Variants in DNAH1 observed in about 807,000 individuals in gnomAD.
The protein encoded by DNAH1 is dynein axonemal heavy chain 1, also known as axonemal beta dynein heavy chain 1.
DNAH1 carries 327 observed loss-of-function variants against 484.3 expected under a neutral mutation model. The ratio of observed to expected loss-of-function variants is 0.68; its 90% CI spans 0.62 to 0.74. The LOEUF (loss-of-function observed/expected upper bound fraction) is 0.74, where lower values mean the gene tolerates loss of function less well. Among genes scored for constraint, DNAH1 ranks in the 30% least tolerant of loss-of-function variants. DNAH1 has a pLI of 0.00. For missense variants in DNAH1, 5,052 were observed against 5,546.8 expected, an observed-to-expected ratio of 0.91 and a Z score of 2.83; for synonymous variants, 2,192 against 2,191.9, an observed-to-expected ratio of 1.00 and a Z score of 0.00.
At chr3:52,367,993 G>A (rs1397761191) in intron 36 of DNAH1, among the ~76,000 whole-genome samples, 1 of 152,340 alleles carries the variant, frequency 6.6e-6, no homozygotes, top group African/African-American at 2.4e-5. Context: ...ATACAGCATG[G>A]GCCAGTGGGA....
At position 52,322,471 on chromosome 3, in the gene DNAH1, G is replaced by T. The variant is rs1701182797; in HGVS notation, c.29G>T (p.Ser10Ile). ...GAGCAGCCTAACAGTAAAGGCTATA[G>T]CCTGGGAAGGACCCCTCAGGGCCCA... is the stretch of plus-strand genomic sequence containing the variant. Reference protein sequence around the residue: MEQPNSKGYSLGRTPQGPEC... With the variant: MEQPNSKGYILGRTPQGPEC... Residue 10 changes from serine to isoleucine, a missense_variant, in exon 2 of 78, where the codon AGC (serine) becomes ATC (isoleucine). This residue lies in a region of DNAH1 where 1,263 missense variants were observed against 1,218.8 expected (regional missense o/e 1.04). Transcript: ENST00000420323. The T allele has an allele frequency of 1.9e-6, 3 of 1,612,814 alleles. No homozygotes were observed. The highest frequency in any genetic ancestry group is 1.3e-5 in the African/African-American group (1 of 74,934).
In DNAH1 at chr3:52,362,052, G is replaced by T. The variant is rs1425332333; in HGVS notation, c.4980+286G>T. Among the ~76,000 whole-genome samples, 3 of 152,214 alleles carry T rather than the reference G, an allele frequency of 2.0e-5. No individual in the cohort carries two copies. The highest frequency in any genetic ancestry group is 7.2e-5 in the African/African-American group (3 of 41,456). On this transcript the variant is annotated intron_variant, in intron 30 of 77. Coordinates refer to ENST00000420323, the MANE Select transcript of DNAH1 (RefSeq NM_015512.5). The surrounding 1 kb of genome is among the most constrained non-coding windows in gnomAD (Gnocchi z 5.1). ...GCCAGGGACCTTGTTCTGGGGACAG[G>T]AGCTGAGAGGCTAGCAGTTATCCCC...
At position 52,386,787 on chromosome 3, in the gene DNAH1, G is replaced by C; in HGVS notation, c.8937G>C (p.Trp2979Cys). 6.3e-7 allele frequency: 1 copy of C among 1,592,010 alleles called. No homozygotes were observed. The highest frequency in any genetic ancestry group is 1.8e-5 in the Admixed American group (1 of 56,826). The change falls in exon 56 of 78, where the codon TGG becomes TGC. Residue 2979 changes from tryptophan to cysteine, a missense_variant. Coordinates refer to ENST00000420323, the MANE Select transcript of DNAH1 (RefSeq NM_015512.5). The stretch of plus-strand genomic sequence containing the variant: ...CAGGCACCAAGGTGGATGACTACTG[G>C]GAGCCTGGCAAGGGGCTGCTGCAGG... ...EKPGTKVDDY[W>C]EPGKGLLQDP...
intron 44 of DNAH1, chr3:52,373,606 T>G: frequency 1.4e-6 from 2 of 1,456,238 alleles, no homozygotes; most frequent in South Asian, 2.3e-5. Context: ...TCTTCAAGGT[T>G]TAGCGCAAGC....
chr3:52,380,775 C>T (rs1703810450), intron 48 of DNAH1, among the ~76,000 whole-genome samples: 2 of 152,286 alleles, frequency 1.3e-5, no homozygotes, highest in South Asian at 2.1e-4. Context: ...TCTGATCAGC[C>T]GAGCCCATGA....
Position 52,393,467 on chromosome 3 carries a change from C to T in DNAH1, c.10608C>T (p.Asn3536=), listed in dbSNP as rs751887427. 1.5e-5 allele frequency: 24 copies of T among 1,613,962 alleles called. No individual in the cohort carries two copies. In the Admixed American group the frequency reaches 1.5e-4, roughly 10 times the overall value. Residue 3536 remains asparagine (N), a synonymous_variant, in exon 66 of 78, where the codon AAC becomes AAT. Transcript: ENST00000420323. ...AFLLCVRIMM[N]EGKINQSEWR... The stretch of plus-strand genomic sequence containing the variant: ...TGCTGTGTGTTCGCATCATGATGAA[C>T]GAGGGCAAAATCAACCAGGTGCTGG...
intron 11 of DNAH1, among the ~76,000 whole-genome samples, chr3:52,347,087 A>T (rs888007621): frequency 6.6e-6 from 1 of 152,252 alleles, no homozygotes; most frequent in South Asian, 2.1e-4. Context: ...ACAGGCAGCA[A>T]GCAGATAAAT....
chr3:52,388,837 G>A lies in DNAH1; in HGVS notation c.9395G>A (p.Arg3132His), dbSNP rs892312215. The A allele has an allele frequency of 2.5e-6, 4 of 1,613,702 alleles. No individual in the cohort carries two copies. The highest frequency in any genetic ancestry group is 1.3e-5 in the African/African-American group (1 of 75,062). The change falls in exon 59 of 78, where the codon CGC becomes CAC. Residue 3132 changes from arginine to histidine, a missense_variant. By Grantham distance (29) the Arg-to-His change is conservative. This residue lies in a region of DNAH1 where 2,929 missense variants were observed against 3,409.4 expected (regional missense o/e 0.86). Transcript: ENST00000420323. ...LINGLSDEKV[R>H]WQETVENLQY... ...AACGGGCTGTCGGATGAGAAGGTGC[G>A]CTGGCAGGAGACGGTGGAGAACCTG...
intron 6 of DNAH1, among the ~76,000 whole-genome samples, chr3:52,328,825 C>T (rs1406708904): frequency 1.3e-5 from 2 of 152,176 alleles, no homozygotes; most frequent in Non-Finnish European, 2.9e-5. Flanking sequence ...GTGGCTGTTC[C>T]CCTGTGCAGG....
intron 1 of DNAH1, among the ~76,000 whole-genome samples, chr3:52,317,436 A>G (rs1229350587): frequency 6.6e-6 from 1 of 151,922 alleles, no homozygotes; most frequent in African/African-American, 2.4e-5. Context: ...GAGAACCAGA[A>G]CCCACCTTTT....
In DNAH1 at chr3:52,358,434, A is replaced by C; in HGVS notation, c.4087-124A>C. 9 of 1,029,160 alleles carry C rather than the reference A, an allele frequency of 8.7e-6. No individual in the cohort carries two copies. The highest frequency in any genetic ancestry group is 3.2e-4 in the Middle Eastern group (1 of 3,148). 63.8% of individuals were successfully genotyped at this position (1,029,160 alleles called of 1,614,324 possible). ...CCAGCCAAGATAGACTCTCGGGGGG[A>C]CGGGAAGGCAGGGCTTTCTTCTTGA... On this transcript the variant is annotated intron_variant, in intron 24 of 77. Transcript: ENST00000420323. This position sits in a 1 kb window ranked among gnomAD's most constrained non-coding sequence, Gnocchi z 4.2.
At chr3:52,385,279 C>T in intron 53 of DNAH1, 58 bp from the exon 54 acceptor site, 2 of 1,494,828 alleles carry the variant, frequency 1.3e-6, no homozygotes, top group Non-Finnish European at 1.8e-6. Flanking sequence ...GCCCAGCAGG[C>T]CCTGTGCTCT....
In DNAH1 at chr3:52,369,994, A is replaced by G. The variant is rs1373763184; in HGVS notation, c.6113A>G (p.Lys2038Arg). 7.4e-6 allele frequency: 12 copies of G among 1,613,510 alleles called. No homozygotes were observed. Among genetic ancestry groups the G allele is most frequent in the Non-Finnish European group, 1.0e-5 (12 of 1,179,550 alleles). The change falls in exon 38 of 78, where the codon AAG becomes AGG. Residue 2038 changes from lysine (K) to arginine (R), a missense_variant. Lys to Arg is a conservative substitution (Grantham distance 26). This residue lies in a region of DNAH1 where 2,929 missense variants were observed against 3,409.4 expected (regional missense o/e 0.86). Coordinates refer to ENST00000420323, the MANE Select transcript of DNAH1 (RefSeq NM_015512.5). Reference protein sequence around the residue: ...PLLKPYEEHFKALFVSFLEES... With the variant: ...PLLKPYEEHFRALFVSFLEES... ...CTGAAGCCCTATGAGGAGCATTTCA[A>G]GGCCCTCTTTGTCAGCTTCCTGGAG... is the stretch of plus-strand genomic sequence containing the variant.
chr3:52,326,721 C>T lies in DNAH1; in HGVS notation c.582-14C>T. The T allele has an allele frequency of 1.3e-6, 2 of 1,585,002 alleles. No individual in the cohort carries two copies. Among genetic ancestry groups the T allele is most frequent in the Non-Finnish European group, 1.7e-6 (2 of 1,161,956 alleles). ...GCCAAGCCATCCTGAGGTCCCCTCC[C>T]TGCCCTTGACCAGGAGGAAACAGCA... On this transcript the variant is annotated splice_polypyrimidine_tract_variant and intron_variant, in intron 4 of 77. Transcript: ENST00000420323.
Position 52,353,408 on chromosome 3 carries a change from G to C in DNAH1, c.3255G>C (p.Arg1085=), listed in dbSNP as rs1191717753. ...GCCAGGAAGTGGCCTTGGACATCCG[G>C]GCCCGCATCGAGGAGTTCAAACCAT... ...PACQEVALDI[R]ARIEEFKPYI... Residue 1085 remains arginine (R), a synonymous_variant, in exon 20 of 78, where the codon CGG becomes CGC. Coordinates refer to ENST00000420323, the MANE Select transcript of DNAH1 (RefSeq NM_015512.5). The surrounding 1 kb of genome is among the most constrained non-coding windows in gnomAD (Gnocchi z 5.0). 2 of 1,613,208 alleles carry C rather than the reference G, an allele frequency of 1.2e-6. No homozygotes were observed. Among genetic ancestry groups the C allele is most frequent in the Admixed American group, 3.3e-5 (2 of 59,998 alleles).
intron 15 of DNAH1, 37 bp downstream of exon 15, chr3:52,350,145 A>G (rs377010933): frequency 1.4e-5 from 23 of 1,599,584 alleles, no homozygotes; most frequent in Non-Finnish European, 2.0e-5. Context: ...CCAGGGAGGC[A>G]CAGGGCTGGT....
In DNAH1 at chr3:52,357,957, C is replaced by T. The variant is rs534895761; in HGVS notation, c.4040C>T (p.Thr1347Met). The change falls in exon 24 of 78, where the codon ACG becomes ATG. Residue 1347 changes from threonine to methionine, a missense_variant. Physicochemically the swap from Thr to Met is moderately conservative, Grantham distance 81 (BLOSUM62 -1). Around this residue, in one of 4 missense-constraint regions of DNAH1, gnomAD observed 2,929 missense variants for 3,409.4 expected, o/e 0.86. Coordinates refer to ENST00000420323, the MANE Select transcript of DNAH1 (RefSeq NM_015512.5). ...ATCTTGTCGCAGACAAAGGACCCCA[C>T]GGCCGTGCAGCCACACCTGCGCAAG... The part of the protein sequence containing the change: ...LEILSQTKDP[T>M]AVQPHLRKCF... The T allele has an allele frequency of 1.4e-5, 23 of 1,612,968 alleles. No homozygotes were observed. Among genetic ancestry groups the T allele is most frequent in the African/African-American group, 5.3e-5 (4 of 74,938 alleles).
At position 52,395,312 on chromosome 3, in the gene DNAH1, C is replaced by G; in HGVS notation, c.10973C>G (p.Ala3658Gly). 1.9e-6 allele frequency: 3 copies of G among 1,613,284 alleles called. No homozygotes were observed. The highest frequency in any genetic ancestry group is 1.3e-5 in the African/African-American group (1 of 75,028). ...CATCTCCCCCTGCCCTTGCAGACAG[C>G]CAATCTGTCAGTGGTGTTCAAAGAC... ...LEPRFIEPQT[A>G]NLSVVFKDSN... Residue 3658 changes from alanine to glycine, a missense_variant, in exon 69 of 78, where the codon GCC (alanine) becomes GGC (glycine). Ala to Gly is a moderately conservative substitution (Grantham distance 60). Around this residue, in one of 4 missense-constraint regions of DNAH1, gnomAD observed 853 missense variants for 899.0 expected, o/e 0.95. Coordinates refer to ENST00000420323, the MANE Select transcript of DNAH1 (RefSeq NM_015512.5). This position sits in a 1 kb window ranked among gnomAD's most constrained non-coding sequence, Gnocchi z 4.4.
Position 52,391,466 on chromosome 3 carries a change from G to C in DNAH1, c.9915G>C (p.Thr3305=), listed in dbSNP as rs751629760. 6.2e-7 allele frequency: 1 copy of C among 1,611,902 alleles called. No homozygotes were observed. Among genetic ancestry groups the C allele is most frequent in the Non-Finnish European group, 8.5e-7 (1 of 1,178,996 alleles). ...LKQTYKQQGN[T]VLKLGDTVIP... ...AGACGTACAAGCAGCAGGGAAACAC[G>C]GTGCTGAAGCTGGGGGACACGGTGA... Residue 3305 remains threonine, a synonymous_variant, in exon 63 of 78, where the codon ACG becomes ACC. Coordinates refer to ENST00000420323, the MANE Select transcript of DNAH1 (RefSeq NM_015512.5).
Sources: allele counts gnomAD v4.1 joint callset (sites outside exome capture counted in the v4.1 genomes callset), GRCh38; gene constraint gnomAD v4.1.1; regional missense constraint gnomAD v4.1.1; non-coding constraint Gnocchi (gnomAD v3.1); transcripts MANE v1.5; gene names NCBI Gene and HGNC (gene_info 2026-07-23, HGNC 2026-07-21).